LYPD3: variants seen among roughly 807,000 people sequenced by gnomAD.
The protein encoded by LYPD3 is ly6/PLAUR domain-containing protein 3.
A neutral mutation model predicts 21.7 loss-of-function variants in LYPD3; 22 were observed. That is an observed-to-expected ratio of 1.01 (90% confidence interval 0.72 to 1.45). The LOEUF (loss-of-function observed/expected upper bound fraction) is 1.45. Among genes scored for constraint, LYPD3 ranks in the 40% most tolerant of loss-of-function variants. The pLI is 0.00. For missense variants in LYPD3, 471 were observed against 466.9 expected (o/e 1.01, Z -0.08); for synonymous variants, 179 against 203.0 (o/e 0.88, Z 1.00).
At position 43,465,372 on chromosome 19, in the gene LYPD3, C is replaced by A. The variant is rs918824410; in HGVS notation, c.79+121G>T. On this transcript the variant is annotated intron_variant, in intron 1 of 4. Coordinates refer to ENST00000244333, the MANE Select transcript of LYPD3 (RefSeq NM_014400.3). ...CTTGCTTAGGATGGGGGAACTTTGCCCACAGTGCCCTCTGCTTATGTGGGG... is the reference window on the plus strand; with the variant it reads ...CTTGCTTAGGATGGGGGAACTTTGCACACAGTGCCCTCTGCTTATGTGGGG... 4 of 1,148,610 alleles carry A rather than the reference C, an allele frequency of 3.5e-6. 1 individual carries two copies. In the African/African-American group the frequency reaches 6.2e-5, roughly 18 times the overall value. The allele number at this position is 1,148,610 out of a possible 1,614,324, so 71.2% of individuals were successfully genotyped here. A position where few individuals can be genotyped will look rare whatever the true frequency, so the allele number is the denominator to read the frequency against.
chr19:43,463,993 G>A, intron 2 of LYPD3: 1 of 624,436 alleles, frequency 1.6e-6, no homozygotes, highest in East Asian at 2.7e-5. Context: ...GAACCTCAAA[G>A]AGCTGAGTCG....
At chr19:43,463,822 C>T in intron 2 of LYPD3, 53 bp from the exon 3 acceptor site, 3 of 1,532,560 alleles carry the variant, frequency 2.0e-6, no homozygotes, top group Non-Finnish European at 2.7e-6. Flanking sequence ...TCAGATGGGG[C>T]GTGGCCCAGA....
At chr19:43,464,535 C>A in intron 1 of LYPD3, 79 bp from the exon 2 acceptor site, 3 of 1,573,670 alleles carry the variant, frequency 1.9e-6, no homozygotes, top group Non-Finnish European at 2.6e-6. Flanking sequence ...CCTTCCCATG[C>A]CCTCTGTCCC....
intron 3 of LYPD3, 154 bp from the exon 4 acceptor site, chr19:43,463,441 G>T: frequency 7.3e-7 from 1 of 1,370,696 alleles, no homozygotes; most frequent in Non-Finnish European, 1.0e-6. Context: ...GGCGCCTACA[G>T]CCAGAAAGTC....
At position 43,463,606 on chromosome 19, in the gene LYPD3, G is replaced by C. The variant is rs1340329349; in HGVS notation, c.375C>G (p.Asp125Glu). ...AKLNLTSRAL[D>E]PAGNESAYPP... is the part of the protein sequence containing the mutation. ...GGCCCGGCCCCCACGGACCTGCCGG[G>C]TCGAGCGCCCGCGAGGTGAGGTTGA... Residue 125 changes from aspartate to glutamate, a missense_variant, in exon 3 of 5, where the codon GAC (aspartate) becomes GAG (glutamate). Coordinates refer to ENST00000244333, the MANE Select transcript of LYPD3 (RefSeq NM_014400.3). 1.2e-6 allele frequency: 2 copies of C among 1,600,956 alleles called. No individual in the cohort carries two copies. The highest frequency in any genetic ancestry group is 2.7e-5 in the African/African-American group (2 of 74,926).
chr19:43,465,075 C>T (rs1970811051), intron 1 of LYPD3, among the ~76,000 whole-genome samples: 1 of 151,796 alleles, frequency 6.6e-6, no homozygotes, highest in Non-Finnish European at 1.5e-5. Flanking sequence ...ACTACAGGCT[C>T]GCGCTACCGC....
rs1370025921 is a variant in LYPD3, at chr19:43,461,039, C to T, written c.*312G>A. On this transcript the variant is annotated 3_prime_UTR_variant, in exon 5 of 5. Coordinates refer to ENST00000244333, the MANE Select transcript of LYPD3 (RefSeq NM_014400.3). ...GTGAGTAGGAAGCTTAGCATCCTCT[C>T]TCTCACCTTCCCCGTGACAGCTGAC... is the stretch of plus-strand genomic sequence containing the variant. The T allele has an allele frequency of 1.0e-5, 3 of 298,820 alleles. No individual in the cohort carries two copies. The highest frequency in any genetic ancestry group is 1.3e-5 in the Non-Finnish European group (2 of 159,122). The allele number at this position is 298,820 out of a possible 1,614,324, so 18.5% of individuals were successfully genotyped here. A position where few individuals can be genotyped will look rare whatever the true frequency, so the allele number is the denominator to read the frequency against.
chr19:43,461,440 G>T lies in LYPD3; in HGVS notation c.952C>A (p.Pro318Thr). ...NSGQYPAKGG[P>T]QQPHNKGCVA... The stretch of plus-strand genomic sequence containing the variant: ...CAGCCTTTATTATGGGGCTGCTGGG[G>T]CCCCCCTTTTGCAGGATACTGCCCT... The change falls in exon 5 of 5, where the codon CCC (proline) becomes ACC (threonine). Residue 318 changes from proline (P) to threonine (T), a missense_variant. Pro to Thr is a conservative substitution (Grantham distance 38). Transcript: ENST00000244333. 7 of 1,614,148 alleles carry T rather than the reference G, an allele frequency of 4.3e-6. No homozygotes were observed. The highest frequency in any genetic ancestry group is 5.9e-6 in the Non-Finnish European group (7 of 1,180,006).
intron 3 of LYPD3, 49 bp from the exon 4 acceptor site, chr19:43,463,336 C>A: frequency 1.3e-6 from 2 of 1,587,516 alleles, no homozygotes; most frequent in South Asian, 2.2e-5. Flanking sequence ...GGTTCGGGAA[C>A]CGCAGCTCGT....
At position 43,461,701 on chromosome 19, in the gene LYPD3, A is replaced by G; in HGVS notation, c.691T>C (p.Phe231Leu). Residue 231 changes from phenylalanine (F) to leucine (L), a missense_variant, in exon 5 of 5, where the codon TTC becomes CTC. Physicochemically the swap from Phe to Leu is conservative, Grantham distance 22 (BLOSUM62 0). Transcript: ENST00000244333. ...CNSDLRNKTYFSPRIPPLVRL... is the reference protein window; with the variant it reads ...CNSDLRNKTYLSPRIPPLVRL... Reference sequence around the variant, plus strand: ...ACAAGGGGTGGGATTCGAGGGGAGAAGTAGGTCTTGTTGCGGAGGTCAGAG... The same window carrying G: ...ACAAGGGGTGGGATTCGAGGGGAGAGGTAGGTCTTGTTGCGGAGGTCAGAG... 1 of 1,614,090 alleles carries G rather than the reference A, an allele frequency of 6.2e-7. No individual in the cohort carries two copies. Among genetic ancestry groups the G allele is most frequent in the Non-Finnish European group, 8.5e-7 (1 of 1,180,008 alleles).
rs563610172 is a variant in LYPD3, at chr19:43,460,873, C to T, written c.*478G>A. On this transcript the variant is annotated 3_prime_UTR_variant, in exon 5 of 5. Transcript: ENST00000244333. ...AGACATAAGGCACGGTCCCTGCCCTCGAGGAGCTCACAGTCTAGTAAGGAA... is the reference window on the plus strand; with the variant it reads ...AGACATAAGGCACGGTCCCTGCCCTTGAGGAGCTCACAGTCTAGTAAGGAA... 35 of 176,810 alleles carry T rather than the reference C, an allele frequency of 2.0e-4. No individual in the cohort carries two copies. The highest frequency in any genetic ancestry group is 7.1e-4 in the African/African-American group (30 of 41,982). The allele number at this position is 176,810 out of a possible 1,614,324, so 11.0% of individuals were successfully genotyped here.
chr19:43,461,524 G>A lies in LYPD3; in HGVS notation c.868C>T (p.Arg290Trp), dbSNP rs746415612. 2.7e-5 allele frequency: 43 copies of A among 1,614,036 alleles called. No homozygotes were observed. Among genetic ancestry groups the A allele is most frequent in the South Asian group, 1.1e-4 (10 of 91,086 alleles). Residue 290 changes from arginine to tryptophan, a missense_variant, in exon 5 of 5, where the codon CGG (arginine) becomes TGG (tryptophan). By Grantham distance (101) the Arg-to-Trp change is moderately radical. Transcript: ENST00000244333. ...CCAGTCAACCTGGGCTCCTCATCCC[G>A]GGAGGCCTCGTGTTCTACTCCCTGT... ...PRQGVEHEAS[R>W]DEEPRLTGGA...
At chr19:43,462,788 C>T (rs914221748) in intron 4 of LYPD3, among the ~76,000 whole-genome samples, 4 of 152,206 alleles carry the variant, frequency 2.6e-5, no homozygotes, top group African/African-American at 9.6e-5. Context: ...CGGGGGACCC[C>T]TTGAGTTTTA....
At chr19:43,464,257 C>A in intron 2 of LYPD3, 68 bp downstream of exon 2, 1 of 1,538,820 alleles carries the variant, frequency 6.5e-7, no homozygotes, top group Non-Finnish European at 8.7e-7. Context: ...CCAGAAAGGA[C>A]TATAAGGAGG....
In LYPD3 at chr19:43,464,389, C is replaced by T; in HGVS notation, c.147G>A (p.Met49Ile). 1 of 1,614,150 alleles carries T rather than the reference C, an allele frequency of 6.2e-7. No homozygotes were observed. The highest frequency in any genetic ancestry group is 2.2e-5 in the East Asian group (1 of 44,886). Residue 49 changes from methionine (M) to isoleucine (I), a missense_variant, in exon 2 of 5, where the codon ATG becomes ATA. Met to Ile is a conservative substitution (Grantham distance 10). Coordinates refer to ENST00000244333, the MANE Select transcript of LYPD3 (RefSeq NM_014400.3). The part of the protein sequence containing the change: ...KADDGCSPNK[M>I]KTVKCAPGVD... ...CGCCCGGCGCGCACTTCACTGTCTT[C>T]ATCTTGTTCGGGGAGCATCCGTCAT...
chr19:43,461,859 A>T lies in LYPD3; in HGVS notation c.545-12T>A. ...CACAGTCACATTAGCTGCAGGAAGG[A>T]GACACAGATAGGTCAGTGGCTGGAG... is the stretch of plus-strand genomic sequence containing the variant. On this transcript the variant is annotated splice_polypyrimidine_tract_variant and intron_variant, in intron 4 of 4. Transcript: ENST00000244333. The T allele has an allele frequency of 6.3e-7, 1 of 1,598,358 alleles. No individual in the cohort carries two copies. The highest frequency in any genetic ancestry group is 8.6e-7 in the Non-Finnish European group (1 of 1,167,916).
Position 43,461,034 on chromosome 19 carries a change from CCT to C in LYPD3, c.*315_*316del, listed in dbSNP as rs1461610525. 7.1e-6 allele frequency: 2 copies of C among 283,674 alleles called. No individual in the cohort carries two copies. Among genetic ancestry groups the C allele is most frequent in the South Asian group, 7.1e-5 (1 of 13,992 alleles). The allele number at this position is 283,674 out of a possible 1,614,324, so 17.6% of individuals were successfully genotyped here. ...AGAAAGTGAGTAGGAAGCTTAGCAT[CCT>C]CTCTCTCACCTTCCCCGTGACAGCT... On this transcript the variant is annotated 3_prime_UTR_variant, in exon 5 of 5. Transcript: ENST00000244333.
chr19:43,461,440 GC>G lies in LYPD3; in HGVS notation c.951del (p.Gln319SerfsTer85), dbSNP rs1232535589. ...SNSGQYPAKG[G>X]PQQPHNKGCV... is the part of the protein sequence containing the mutation. ...CAGCCTTTATTATGGGGCTGCTGGGGCCCCCCTTTTGCAGGATACTGCCCTG... is the reference window on the plus strand; with the variant it reads ...CAGCCTTTATTATGGGGCTGCTGGGGCCCCCTTTTGCAGGATACTGCCCTG... On this transcript the variant is annotated frameshift_variant, in exon 5 of 5. Transcript: ENST00000244333. LOFTEE classifies it low-confidence loss of function (END_TRUNC). The G allele has an allele frequency of 1.2e-6, 2 of 1,614,030 alleles. No individual in the cohort carries two copies. The highest frequency in any genetic ancestry group is 1.1e-5 in the South Asian group (1 of 91,088).
At chr19:43,463,452 C>G (rs116433107) in intron 3 of LYPD3, 147 bp downstream of exon 3, 1 of 1,366,540 alleles carries the variant, frequency 7.3e-7, no homozygotes, top group African/African-American at 1.4e-5. Flanking sequence ...CCAGAAAGTC[C>G]CTCCTGCTGC....
Sources: allele counts gnomAD v4.1 joint callset (sites outside exome capture counted in the v4.1 genomes callset), GRCh38; gene constraint gnomAD v4.1.1; transcripts MANE v1.5; gene names NCBI Gene and HGNC (gene_info 2026-07-23, HGNC 2026-07-21).